ASPH: variants seen among roughly 807,000 people sequenced by gnomAD.
ASPH encodes aspartyl/asparaginyl beta-hydroxylase.
Under a neutral mutation model 118.4 loss-of-function variants are expected in ASPH, and 100 were observed. The observed-to-expected ratio is 0.84, with a 90% CI of 0.72 to 1.00. The LOEUF is 1.00. ASPH is among the 50% of genes least tolerant of loss of function. The pLI is 0.00. For missense variants in ASPH, 920 were observed against 919.5 expected (o/e 1.00, Z -0.01); for synonymous variants, 315 against 325.6 (o/e 0.97, Z 0.35).
At chr8:61,578,733 G>C (rs1025658785) in intron 15 of ASPH, 3 of 1,607,504 alleles carry the variant, frequency 1.9e-6, no homozygotes, top group Non-Finnish European at 2.5e-6. Flanking sequence ...GCAGAGGCTG[G>C]TGGAGGACTT....
intron 3 of ASPH, among the ~76,000 whole-genome samples, chr8:61,662,084 G>A (rs542216092): frequency 9.1e-4 from 138 of 152,262 alleles, no homozygotes; most frequent in African/African-American, 3.1e-3. Context: ...TGATGATGAT[G>A]TAAGTGCTTC....
At chr8:61,557,744 G>A (rs145845416) in intron 18 of ASPH, among the ~76,000 whole-genome samples, 1 of 152,316 alleles carries the variant, frequency 6.6e-6, no homozygotes, top group African/African-American at 2.4e-5. Flanking sequence ...GCTCAGATGA[G>A]TACATGCTGG....
In ASPH at chr8:61,653,572, C is replaced by T. The variant is rs1188767956; in HGVS notation, c.411G>A (p.Glu137=). ...HTEPEEQVPV[E]AEPQNIEDEA... is the part of the protein sequence containing the mutation. ...CGAGGATGAGGACAAGCTTACCTGC[C>T]TCCACAGGAACCTGCTCCTCGGGCT... The change falls in exon 4 of 25, where the codon GAG becomes GAA. Residue 137 remains glutamate (E), a synonymous_variant. Coordinates refer to ENST00000379454, the MANE Select transcript of ASPH (RefSeq NM_004318.4). 6.2e-7 allele frequency: 1 copy of T among 1,613,788 alleles called. No homozygotes were observed. Among genetic ancestry groups the T allele is most frequent in the Non-Finnish European group, 8.5e-7 (1 of 1,179,902 alleles).
chr8:61,633,152 G>A (rs13248720), intron 13 of ASPH: 1 of 154,510 alleles, frequency 6.5e-6, no homozygotes, highest in Non-Finnish European at 1.4e-5. Context: ...GAGGGCTCAG[G>A]TAGAGGAAAG....
chr8:61,561,922 G>C (rs549248146), intron 18 of ASPH, among the ~76,000 whole-genome samples: 2 of 152,152 alleles, frequency 1.3e-5, no homozygotes, highest in Non-Finnish European at 2.9e-5. Context: ...GTGAGACCAC[G>C]TGTCAAAAAC....
chr8:61,517,318 G>A (rs1424173395), intron 24 of ASPH: 6 of 589,474 alleles, frequency 1.0e-5, no homozygotes, highest in Non-Finnish European at 1.7e-5. Flanking sequence ...AGAAATAATG[G>A]AGGAGGGCAG....
intron 21 of ASPH, among the ~76,000 whole-genome samples, chr8:61,546,908 T>A (rs1288501646): frequency 6.6e-6 from 1 of 152,228 alleles, no homozygotes; most frequent in Non-Finnish European, 1.5e-5. Flanking sequence ...TCTAACATTA[T>A]CAATATTTTG....
Position 61,517,360 on chromosome 8 carries a change from A to G in ASPH, c.2126+168T>C, listed in dbSNP as rs560744143. 2.5e-4 allele frequency: 241 copies of G among 966,710 alleles called. 4 individuals carry two copies. The Middle Eastern group carries it at 4.0e-3, about 16-fold the overall frequency. 59.9% of individuals were successfully genotyped at this position (966,710 alleles called of 1,614,324 possible). A position where few individuals can be genotyped will look rare whatever the true frequency, so the allele number is the denominator to read the frequency against. On this transcript the variant is annotated intron_variant, in intron 24 of 24. Coordinates refer to ENST00000379454, the MANE Select transcript of ASPH (RefSeq NM_004318.4). Reference sequence around the variant, plus strand: ...AGCTGGGCAATGTCTCCAGGCTAATAGAAAGCACCAAGAAGGGATATAGAC... The same window carrying G: ...AGCTGGGCAATGTCTCCAGGCTAATGGAAAGCACCAAGAAGGGATATAGAC...
At chr8:61,516,509 C>T (rs1810971515) in intron 24 of ASPH, among the ~76,000 whole-genome samples, 1 of 152,144 alleles carries the variant, frequency 6.6e-6, no homozygotes, top group Non-Finnish European at 1.5e-5. Flanking sequence ...ACTCATCCTC[C>T]ACTCAGACCT....
At chr8:61,641,170 T>C (rs1804953738) in intron 10 of ASPH, among the ~76,000 whole-genome samples, 1 of 152,222 alleles carries the variant, frequency 6.6e-6, no homozygotes, top group Admixed American at 6.5e-5. Flanking sequence ...TTACTGCCTT[T>C]TGCTAACATT....
At chr8:61,625,049 CT>C (rs1852251016) in intron 13 of ASPH, 1 of 985,662 alleles carries the variant, frequency 1.0e-6, no homozygotes, top group Non-Finnish European at 1.2e-6. Flanking sequence ...AAAAAGTCAC[CT>C]TATCTTAATG....
At chr8:61,549,086 T>C (rs546771412) in intron 20 of ASPH, among the ~76,000 whole-genome samples, 3 of 152,338 alleles carry the variant, frequency 2.0e-5, no homozygotes, top group Admixed American at 2.0e-4. Flanking sequence ...ACTGCAAACC[T>C]GATCTAATGA....
intron 15 of ASPH, chr8:61,579,662 G>C: frequency 2.7e-6 from 4 of 1,462,584 alleles, no homozygotes; most frequent in Non-Finnish European, 3.8e-6. Flanking sequence ...CTGACATCCT[G>C]CCCAAGTGAA....
chr8:61,583,193 T>C (rs1363008291), intron 15 of ASPH: 1 of 152,134 alleles, frequency 6.6e-6, no homozygotes, highest in East Asian at 1.9e-4. Flanking sequence ...CTAGTTTTTC[T>C]TTTTGCATCA....
chr8:61,611,820 G>A (rs1055969388), intron 14 of ASPH, among the ~76,000 whole-genome samples: 4 of 152,142 alleles, frequency 2.6e-5, no homozygotes, highest in Non-Finnish European at 4.4e-5. Context: ...CAAAAATCCT[G>A]AGCAGAGATA....
At chr8:61,677,838 G>C (rs1021404787) in intron 3 of ASPH, among the ~76,000 whole-genome samples, 5 of 152,026 alleles carry the variant, frequency 3.3e-5, no homozygotes, top group Non-Finnish European at 5.9e-5. Flanking sequence ...GTACTTCCAA[G>C]TATTACATAT....
At chr8:61,624,240 A>T in intron 13 of ASPH, 1 of 985,408 alleles carries the variant, frequency 1.0e-6, no homozygotes, top group Non-Finnish European at 1.2e-6. Flanking sequence ...TTGGGGAAAA[A>T]AGGTGGAGCA....
chr8:61,653,804 T>C (rs976330538), intron 3 of ASPH, 144 bp from the exon 4 acceptor site: 1 of 821,480 alleles, frequency 1.2e-6, no homozygotes, highest in Admixed American at 3.0e-5. Context: ...AAAAGTGAGG[T>C]AGGAAAACAG....
chr8:61,567,452 C>A, intron 16 of ASPH, 134 bp from the exon 17 acceptor site: 1 of 938,382 alleles, frequency 1.1e-6, no homozygotes, highest in Non-Finnish European at 1.5e-6. Flanking sequence ...TTCTCCTTAT[C>A]AAGAGATAAA....
Sources: gnomAD v4.1 joint callset for allele counts (sites outside exome capture counted in the v4.1 genomes callset) on GRCh38, gnomAD v4.1.1 for gene constraint, MANE v1.5 for transcripts, NCBI Gene and HGNC (gene_info 2026-07-23, HGNC 2026-07-21) for gene names.